Variants in NID2 observed in about 807,000 individuals in gnomAD.
The protein encoded by NID2 is nidogen-2.
A neutral mutation model predicts 145.4 loss-of-function variants in NID2; 83 were observed. That is an observed-to-expected ratio of 0.57 (90% CI 0.48 to 0.69). The LOEUF is 0.69. NID2 is among the 30% of genes least tolerant of loss of function. The pLI, the probability that NID2 is intolerant of heterozygous loss-of-function variation, is 0.00. For missense variants in NID2, 1,807 were observed against 1,765.7 expected (o/e 1.02, Z -0.42); for synonymous variants, 739 against 701.3 (o/e 1.05, Z -0.85).
intron 2 of NID2, among the ~76,000 whole-genome samples, chr14:52,064,557 T>C (rs574830774): frequency 6.6e-6 from 1 of 152,362 alleles, no homozygotes; most frequent in Admixed American, 6.5e-5. Flanking sequence ...AGAGCCCTCA[T>C]GACCCAGTCA....
intron 12 of NID2, among the ~76,000 whole-genome samples, chr14:52,022,126 AAG>A (rs1458580446): frequency 1.3e-5 from 2 of 152,114 alleles, no homozygotes; most frequent in East Asian, 1.9e-4. Flanking sequence ...TTTTGAACTC[AAG>A]AGAGAGGGGA....
chr14:52,063,396 A>G (rs1893081274), intron 2 of NID2, among the ~76,000 whole-genome samples: 1 of 152,168 alleles, frequency 6.6e-6, no homozygotes, highest in Admixed American at 6.5e-5. Flanking sequence ...AAAGAGAGAA[A>G]AGCCAGAGCC....
chr14:52,056,373 T>C (rs1420290749), intron 3 of NID2, among the ~76,000 whole-genome samples: 1 of 152,190 alleles, frequency 6.6e-6, no homozygotes, highest in Admixed American at 6.5e-5. Flanking sequence ...AAATCCAAGG[T>C]CATTTGGAAA....
At chr14:52,057,235 G>A (rs1595053320) in intron 3 of NID2, among the ~76,000 whole-genome samples, 1 of 152,066 alleles carries the variant, frequency 6.6e-6, no homozygotes, top group Non-Finnish European at 1.5e-5. Context: ...TAGAGATTAG[G>A]TCTCGCTATG....
chr14:52,061,363 T>C (rs1448253762), intron 2 of NID2, among the ~76,000 whole-genome samples: 1 of 152,206 alleles, frequency 6.6e-6, no homozygotes, highest in Non-Finnish European at 1.5e-5. Flanking sequence ...GTAAACACCA[T>C]TCATTTATTC....
Position 52,067,708 on chromosome 14 carries a change from C to T in NID2, c.534+150G>A, listed in dbSNP as rs968529370. The T allele has an allele frequency of 3.8e-5, 36 of 940,770 alleles. No individual in the cohort carries two copies. In the African/African-American group the frequency reaches 5.6e-4, roughly 15 times the overall value. 58.3% of individuals were successfully genotyped at this position (940,770 alleles called of 1,614,324 possible). On this transcript the variant is annotated intron_variant, in intron 2 of 21. Coordinates refer to ENST00000216286, the MANE Select transcript of NID2 (RefSeq NM_007361.4). ...CCTAGAGACAACGTCTTTCCTCACT[C>T]CCAAGCCACTCCAGCCCTGCTGCCT...
rs58318209 is a variant in NID2 at position 52,035,878 on chromosome 14, A to ATATATACATATATATATATT, written c.2257+2868_2257+2869insAATATATATATATGTATATA. On this transcript the variant is annotated intron_variant, in intron 9 of 21. Transcript: ENST00000216286. ...TGTGTATATATATATATATATATAT[A>ATATATACATATATATATATT]TGTTTTATTTTGTAGAGACAGGGTT... is the stretch of plus-strand genomic sequence containing the variant. Among the ~76,000 whole-genome samples, 812 of 135,192 alleles carry ATATATACATATATATATATT rather than the reference A, an allele frequency of 6.0e-3. 20 individuals carry two copies. Among genetic ancestry groups the ATATATACATATATATATATT allele is most frequent in the African/African-American group, 0.022 (781 of 35,434 alleles). The allele number at this position is 135,192 out of a possible 152,430, so 88.7% of individuals were successfully genotyped here.
At chr14:52,025,348 A>C (rs545717627) in intron 12 of NID2, among the ~76,000 whole-genome samples, 5 of 152,292 alleles carry the variant, frequency 3.3e-5, no homozygotes, top group South Asian at 2.1e-4. Flanking sequence ...GTGAATTACA[A>C]ATCTACCTCA....
At chr14:52,006,841 T>C (rs759422707) in intron 19 of NID2, 181 bp from the exon 20 acceptor site, 9 of 501,890 alleles carry the variant, frequency 1.8e-5, no homozygotes, top group Non-Finnish European at 3.1e-5. Flanking sequence ...TAGTAGAGAT[T>C]CAAACTTTCA....
intron 2 of NID2, 48 bp downstream of exon 2, chr14:52,067,810 A>T: frequency 6.2e-7 from 1 of 1,601,594 alleles, no homozygotes; most frequent in African/African-American, 1.3e-5. Flanking sequence ...CCAGAATTTA[A>T]GCCCATCCTT....
In NID2 at chr14:52,019,277, T is replaced by C. The variant is rs780626824; in HGVS notation, c.2812A>G (p.Thr938Ala). The stretch of plus-strand genomic sequence containing the variant: ...TGGCGCTGCTGTTGTTCACAGGGTG[T>C]CAGGCTTGAGGTGGAGTCTTCCAGG... The part of the protein sequence containing the change: ...QCIPDSTSSL[T>A]PCEQQQRHAQ... Residue 938 changes from threonine (T) to alanine (A), a missense_variant, in exon 14 of 22, where the codon ACA becomes GCA. Transcript: ENST00000216286. 5 of 1,592,110 alleles carry C rather than the reference T, an allele frequency of 3.1e-6. No individual in the cohort carries two copies. The East Asian group carries it at 1.1e-4, about 36-fold the overall frequency.
chr14:52,038,998 AT>A (rs748663749), intron 8 of NID2, 21 bp from the exon 9 acceptor site: 1 of 1,520,136 alleles, frequency 6.6e-7, no homozygotes, highest in Admixed American at 2.0e-5. Flanking sequence ...CACAGTGGTA[AT>A]TTTTTAAAAA....
intron 15 of NID2, 82 bp from the exon 16 acceptor site, chr14:52,014,538 C>T (rs1311756008): frequency 4.4e-6 from 6 of 1,376,658 alleles, no homozygotes; most frequent in African/African-American, 2.9e-5. Flanking sequence ...TACCACATAC[C>T]AGAGCCTCCA....
intron 2 of NID2, among the ~76,000 whole-genome samples, chr14:52,063,256 C>T (rs1893072388): frequency 6.6e-6 from 1 of 152,218 alleles, no homozygotes; most frequent in Non-Finnish European, 1.5e-5. Flanking sequence ...CTCAGATGGG[C>T]TGCCAAACCT....
At chr14:52,059,486 T>A (rs1272494638) in intron 3 of NID2, among the ~76,000 whole-genome samples, 1 of 152,220 alleles carries the variant, frequency 6.6e-6, no homozygotes, top group Non-Finnish European at 1.5e-5. Flanking sequence ...AATATCCTAC[T>A]GGCACTATCT....
At chr14:52,030,585 A>AGAAAGAACGGAAGGAAGG (rs1891807429) in intron 9 of NID2, among the ~76,000 whole-genome samples, 1 of 40,470 alleles carries the variant, frequency 2.5e-5, no homozygotes. Context: ...AGGGAAAGAA[A>AGAAAGAACGGAAGGAAGG]GAAAGAAAGA....
chr14:52,036,345 T>A (rs1461764140), intron 9 of NID2, among the ~76,000 whole-genome samples: 1 of 152,236 alleles, frequency 6.6e-6, no homozygotes, highest in Non-Finnish European at 1.5e-5. Context: ...GTATCCGTAC[T>A]TCATTCCTTT....
chr14:52,009,211 C>A (rs945219182), intron 18 of NID2: 1 of 152,114 alleles, frequency 6.6e-6, no homozygotes, highest in Non-Finnish European at 1.5e-5. Flanking sequence ...TTCCACTTTG[C>A]GCTAAGGTGG....
chr14:52,056,187 A>G (rs1892840091), intron 3 of NID2, among the ~76,000 whole-genome samples: 1 of 152,198 alleles, frequency 6.6e-6, no homozygotes, highest in Non-Finnish European at 1.5e-5. Context: ...AGGTGGTGCA[A>G]CTATGAAATT....
Sources: allele counts gnomAD v4.1 joint callset (sites outside exome capture counted in the v4.1 genomes callset), GRCh38; gene constraint gnomAD v4.1.1; transcripts MANE v1.5; gene names NCBI Gene and HGNC (gene_info 2026-07-23, HGNC 2026-07-21).